Variants in RPS4X observed in about 807,000 individuals in gnomAD.
RPS4X encodes the protein ribosomal protein S4 X-linked.
For synonymous variants in RPS4X, 76 were observed against 76.8 expected (o/e 0.99, Z 0.06); for missense variants, 90 against 219.1 (o/e 0.41, Z 3.72).
chrX:72,273,428 CA>C (rs776088184), intron 5 of RPS4X, 39 bp from the exon 6 acceptor site: 2 of 1,127,213 alleles, frequency 1.8e-6, no homozygotes, highest in South Asian at 4.3e-5. Context: ...CTCAATATAA[CA>C]AATGACAAGC....
rs182095808 is a variant in RPS4X at position 72,272,692 on chromosome X, C to T, written c.771G>A (p.Ala257=). 8.3e-6 allele frequency: 10 copies of T among 1,206,618 alleles called. No homozygotes were observed. The highest frequency in any genetic ancestry group is 3.5e-5 in the African/African-American group (2 of 57,044). Reference sequence around the variant, plus strand: ...CATTTCACCCACTGCTCTGTTTGGCCGCCAGTCTTTTGTCTCTCTCTTCAG... The same window carrying T: ...CATTTCACCCACTGCTCTGTTTGGCTGCCAGTCTTTTGTCTCTCTCTTCAG... ...TIAEERDKRL[A]AKQSSG The change falls in exon 7 of 7, where the codon GCG becomes GCA. Residue 257 remains alanine, a synonymous_variant. Transcript: ENST00000316084.
chrX:72,275,445 C>T (rs866769140), intron 3 of RPS4X, 99 bp downstream of exon 3: 3 of 677,508 alleles, frequency 4.4e-6, no homozygotes, highest in South Asian at 5.9e-5. Context: ...GTTTCTGAGA[C>T]TTGACAGATT....
At chrX:72,273,458 A>G (rs749319036) in intron 5 of RPS4X, 69 bp from the exon 6 acceptor site, 17 of 984,060 alleles carry the variant, frequency 1.7e-5, no homozygotes, top group Admixed American at 1.3e-4. Context: ...GATGGGTCCA[A>G]ACAAATTTTA....
chrX:72,275,497 T>C (rs188460830), intron 3 of RPS4X, 47 bp downstream of exon 3: 161 of 1,010,263 alleles, frequency 1.6e-4, no homozygotes, highest in Non-Finnish European at 2.2e-4. Flanking sequence ...TTGGATACCA[T>C]AGGGCTGCCA....
chrX:72,277,202 G>C lies in RPS4X; in HGVS notation c.-7C>G. ...TAACTAAACGGCTTACCATGGCTGCGTTAGGCAAGGAAAGAGGACCTCCGT... is the reference window on the plus strand; with the variant it reads ...TAACTAAACGGCTTACCATGGCTGCCTTAGGCAAGGAAAGAGGACCTCCGT... On this transcript the variant is annotated 5_prime_UTR_variant, in exon 1 of 7. Transcript: ENST00000316084. 1 of 1,210,543 alleles carries C rather than the reference G, an allele frequency of 8.3e-7. No homozygotes were observed. Among genetic ancestry groups the C allele is most frequent in the East Asian group, 3.0e-5 (1 of 33,788 alleles).
At chrX:72,273,604 A>G (rs1308054740) in intron 5 of RPS4X, among the ~76,000 whole-genome samples, 197 bp downstream of exon 5, 1 of 111,804 alleles carries the variant, frequency 8.9e-6, no homozygotes, top group Admixed American at 9.5e-5. Flanking sequence ...AGTCTGGGCA[A>G]CACAGTAAGA....
At chrX:72,274,014 A>G (rs750750756) in intron 4 of RPS4X, 42 bp from the exon 5 acceptor site, 7 of 1,146,084 alleles carry the variant, frequency 6.1e-6, no homozygotes, top group Non-Finnish European at 8.3e-6. Context: ...TCCATCTCAC[A>G]TGTACTTTTT....
rs2043203959 is a variant in RPS4X, at chrX:72,276,382, C to T, written c.4-148G>A. On this transcript the variant is annotated intron_variant, in intron 1 of 6. Transcript: ENST00000316084. ...TGTTCCGATAAAACAGAAACAAACA[C>T]AGTTATTTAACAAACACCGTGAGAT... is the stretch of plus-strand genomic sequence containing the variant. 8.8e-6 allele frequency: 4 copies of T among 454,411 alleles called. No homozygotes were observed. The East Asian group carries it at 1.5e-4, about 17-fold the overall frequency. 37.4% of individuals were successfully genotyped at this position (454,411 alleles called of 1,213,427 possible). A position where few individuals can be genotyped will look rare whatever the true frequency, so the allele number is the denominator to read the frequency against.
At chrX:72,275,276 A>T in intron 3 of RPS4X, 126 bp from the exon 4 acceptor site, 1 of 480,815 alleles carries the variant, frequency 2.1e-6, no homozygotes, top group Non-Finnish European at 3.6e-6. Flanking sequence ...TCCAACAAGG[A>T]TTCTGAAGAT....
chrX:72,273,462 A>C (rs2043188867), intron 5 of RPS4X, 73 bp from the exon 6 acceptor site: 1 of 954,729 alleles, frequency 1.0e-6, no homozygotes, highest in East Asian at 3.2e-5. Context: ...GGTCCAAACA[A>C]ATTTTATTCC....
In RPS4X at chrX:72,277,212, G is replaced by C. The variant is rs1411356133; in HGVS notation, c.-17C>G. On this transcript the variant is annotated 5_prime_UTR_variant, in exon 1 of 7. Transcript: ENST00000316084. Reference sequence around the variant, plus strand: ...GCTTACCATGGCTGCGTTAGGCAAGGAAAGAGGACCTCCGTCTTCCGGTGC... The same window carrying C: ...GCTTACCATGGCTGCGTTAGGCAAGCAAAGAGGACCTCCGTCTTCCGGTGC... 1 of 1,208,867 alleles carries C rather than the reference G, an allele frequency of 8.3e-7. No homozygotes were observed. The highest frequency in any genetic ancestry group is 1.7e-5 in the African/African-American group (1 of 57,473).
intron 6 of RPS4X, 22 bp downstream of exon 6, chrX:72,273,210 G>A (rs2043187686): frequency 8.4e-7 from 1 of 1,190,235 alleles, no homozygotes; most frequent in Non-Finnish European, 1.1e-6. Flanking sequence ...TCAGACTAGA[G>A]AGAAGGAAAA....
In RPS4X at chrX:72,275,074, A is replaced by G. The variant is rs2043196751; in HGVS notation, c.339T>C (p.Arg113=). ...YDTKGRFAVH[R]ITPEEAKYKL... ...TCACCTTGGCCTCCTCAGGTGTAAT[A>G]CGATGTACAGCAAAGCGACCCTTGG... Residue 113 remains arginine, a synonymous_variant, in exon 4 of 7, where the codon CGT becomes CGC. Coordinates refer to ENST00000316084, the MANE Select transcript of RPS4X (RefSeq NM_001007.5). 1 of 1,207,120 alleles carries G rather than the reference A, an allele frequency of 8.3e-7. No individual in the cohort carries two copies. Among genetic ancestry groups the G allele is most frequent in the East Asian group, 3.0e-5 (1 of 33,827 alleles).
chrX:72,274,044 G>A, intron 4 of RPS4X, 72 bp from the exon 5 acceptor site: 1 of 942,357 alleles, frequency 1.1e-6, no homozygotes, highest in Non-Finnish European at 1.5e-6. Flanking sequence ...CAGGAACCAT[G>A]GGTTCCCTAA....
intron 2 of RPS4X, 85 bp from the exon 3 acceptor site, chrX:72,275,809 A>G (rs1376980661): frequency 1.2e-6 from 1 of 816,731 alleles, no homozygotes; most frequent in East Asian, 3.5e-5. Flanking sequence ...CACTAACTGA[A>G]CACCAAGACC....
chrX:72,277,184 A>T lies in RPS4X; in HGVS notation c.3+9T>A, dbSNP rs776191850. On this transcript the variant is annotated intron_variant, in intron 1 of 6. Coordinates refer to ENST00000316084, the MANE Select transcript of RPS4X (RefSeq NM_001007.5). ...TACGTCCTAAGAGCTCGCTAACTAA[A>T]CGGCTTACCATGGCTGCGTTAGGCA... The T allele has an allele frequency of 6.6e-6, 8 of 1,209,731 alleles. No individual in the cohort carries two copies. The Admixed American group carries it at 1.7e-4, about 26-fold the overall frequency.
At chrX:72,275,334 T>C (rs1056779813) in intron 3 of RPS4X, among the ~76,000 whole-genome samples, 184 bp from the exon 4 acceptor site, 1 of 112,117 alleles carries the variant, frequency 8.9e-6, no homozygotes, top group Admixed American at 9.5e-5. Flanking sequence ...CATGACTGCA[T>C]GTAAAATTTA....
chrX:72,276,792 G>A (rs1210456205), intron 1 of RPS4X, among the ~76,000 whole-genome samples: 1 of 112,461 alleles, frequency 8.9e-6, no homozygotes, highest in African/African-American at 3.2e-5. Flanking sequence ...GATGCTTACC[G>A]GCCACGTATG....
chrX:72,274,013 CATGTACTTTTTAACCCT>C lies in RPS4X; in HGVS notation c.361-58_361-42del, dbSNP rs764896539. The stretch of plus-strand genomic sequence containing the variant: ...GGTTAGCCACATTCAATCCATCTCA[CATGTACTTTTTAACCCT>C]ATACAGGAACCATGGGTTCCCTAAC... On this transcript the variant is annotated intron_variant, in intron 4 of 6. Transcript: ENST00000316084. The C allele has an allele frequency of 6.1e-6, 7 of 1,150,389 alleles. No individual in the cohort carries two copies. In the African/African-American group the frequency reaches 1.1e-4, roughly 18 times the overall value. 94.8% of individuals were successfully genotyped at this position (1,150,389 alleles called of 1,213,427 possible).
Sources: allele counts gnomAD v4.1 joint callset (sites outside exome capture counted in the v4.1 genomes callset), GRCh38; gene constraint gnomAD v4.1.1; transcripts MANE v1.5; gene names NCBI Gene and HGNC (gene_info 2026-07-23, HGNC 2026-07-21).